LRRTM4: variants seen among roughly 807,000 people sequenced by gnomAD.
LRRTM4 encodes the protein leucine-rich repeat transmembrane neuronal protein 4.
In LRRTM4, 25 loss-of-function variants were observed where a neutral mutation model predicts 47.6. The observed-to-expected ratio is 0.53, with a 90% CI of 0.38 to 0.73. LRRTM4 has a LOEUF of 0.73. Among genes scored for constraint, LRRTM4 ranks in the 30% least tolerant of loss-of-function variants. The probability of loss-of-function intolerance (pLI) is 0.00; values close to 1 mark genes in which losing one functional copy is unlikely to be tolerated. For synonymous variants in LRRTM4, 311 were observed against 269.5 expected (o/e 1.15, Z -1.51); for missense variants, 638 against 713.4 (o/e 0.89, Z 1.20).
At chr2:77,024,638 A>G (rs183044490) in intron 3 of LRRTM4, among the ~76,000 whole-genome samples, 2 of 152,114 alleles carry the variant, frequency 1.3e-5, no homozygotes, top group African/African-American at 4.8e-5. Context: ...TTTTTATAGT[A>G]TTTTTTCCTT....
rs140916855 is a variant in LRRTM4 at position 76,869,192 on chromosome 2, C to G, written c.1552-120276G>C. ...GACATGGTGGCACGTGCCTTTAGTC[C>G]CAGCTACTTGGGAGGCTGAGACAGG... On this transcript the variant is annotated intron_variant, in intron 3 of 3. Transcript: ENST00000409884. Among the ~76,000 whole-genome samples the G allele has an allele frequency of 3.6e-3, 540 of 152,014 alleles. 2 individuals carry two copies. Among genetic ancestry groups the G allele is most frequent in the African/African-American group, 0.013 (520 of 41,452 alleles).
intron 3 of LRRTM4, among the ~76,000 whole-genome samples, chr2:76,766,409 T>A (rs1011936093): frequency 6.6e-6 from 1 of 152,202 alleles, no homozygotes; most frequent in Non-Finnish European, 1.5e-5. Context: ...CTTTCTATGT[T>A]ATCCCAAAGG....
chr2:76,964,989 A>C (rs1336163159), intron 3 of LRRTM4, among the ~76,000 whole-genome samples: 1 of 95,004 alleles, frequency 1.1e-5, no homozygotes, highest in Non-Finnish European at 1.8e-5. Flanking sequence ...CCAAAATTCA[A>C]AGAAAAATAG....
At chr2:76,908,727 T>C (rs1010379955) in intron 3 of LRRTM4, among the ~76,000 whole-genome samples, 2 of 152,012 alleles carry the variant, frequency 1.3e-5, no homozygotes. Flanking sequence ...AAATCATGAG[T>C]GAACTCCCAT....
chr2:77,190,633 G>A (rs1673642726), intron 3 of LRRTM4, among the ~76,000 whole-genome samples: 1 of 152,030 alleles, frequency 6.6e-6, no homozygotes. Flanking sequence ...AGGAATATTA[G>A]CACATTGAAC....
At chr2:77,190,489 G>A (rs966819680) in intron 3 of LRRTM4, among the ~76,000 whole-genome samples, 2 of 151,644 alleles carry the variant, frequency 1.3e-5, no homozygotes, top group Non-Finnish European at 2.9e-5. Context: ...TAGTAGAAAC[G>A]GGGTTTTGCC....
chr2:77,392,727 T>C (rs1034180096), intron 3 of LRRTM4, among the ~76,000 whole-genome samples: 2 of 151,970 alleles, frequency 1.3e-5, no homozygotes, highest in African/African-American at 2.4e-5. Flanking sequence ...GGGCTGCAGA[T>C]ATTGAGAAGA....
chr2:76,816,144 G>T (rs746920401), intron 3 of LRRTM4, among the ~76,000 whole-genome samples: 7 of 152,016 alleles, frequency 4.6e-5, no homozygotes, highest in Admixed American at 6.6e-5. Flanking sequence ...GACCTTGCTG[G>T]TATCAGACAG....
At chr2:77,195,107 T>A (rs1217151347) in intron 3 of LRRTM4, among the ~76,000 whole-genome samples, 1 of 151,952 alleles carries the variant, frequency 6.6e-6, no homozygotes, top group Admixed American at 6.6e-5. Context: ...TTCAACAATA[T>A]CCCTTTGGTT....
At chr2:76,936,182 C>T (rs1016499622) in intron 3 of LRRTM4, among the ~76,000 whole-genome samples, 9 of 152,080 alleles carry the variant, frequency 5.9e-5, no homozygotes, top group African/African-American at 2.2e-4. Flanking sequence ...AGACTTGGAA[C>T]CAACCCAAAT....
intron 3 of LRRTM4, among the ~76,000 whole-genome samples, chr2:77,476,283 T>A (rs184028440): frequency 1.3e-5 from 2 of 152,220 alleles, no homozygotes; most frequent in East Asian, 3.9e-4. Context: ...TGTAAACATC[T>A]ACCTTAATAC....
In LRRTM4 at chr2:76,936,046, C is replaced by G. The variant is rs568692576; in HGVS notation, c.1552-187130G>C. ...GACAGTGTGGTGATTCCTCAAGGAT[C>G]TAGAACTAGAAATACCATTTGACCC... On this transcript the variant is annotated intron_variant, in intron 3 of 3. Transcript: ENST00000409884. Among the ~76,000 whole-genome samples the G allele has an allele frequency of 3.3e-5, 5 of 152,240 alleles. 1 individual carries two copies. Among genetic ancestry groups the G allele is most frequent in the African/African-American group, 1.2e-4 (5 of 41,556 alleles).
chr2:77,276,707 A>G (rs868271937), intron 3 of LRRTM4, among the ~76,000 whole-genome samples: 2 of 120,952 alleles, frequency 1.7e-5, no homozygotes, highest in East Asian at 2.3e-4. Flanking sequence ...ATATATATAT[A>G]TATATATATA....
intron 3 of LRRTM4, among the ~76,000 whole-genome samples, chr2:77,489,992 G>A (rs1041917672): frequency 6.6e-6 from 1 of 152,170 alleles, no homozygotes; most frequent in Admixed American, 6.5e-5. Context: ...GCTAACGCCT[G>A]TAATCCCAGC....
intron 3 of LRRTM4, among the ~76,000 whole-genome samples, chr2:77,485,114 A>G (rs1355404174): frequency 6.6e-6 from 1 of 152,036 alleles, no homozygotes; most frequent in Non-Finnish European, 1.5e-5. Flanking sequence ...TATTTTGACA[A>G]TTTTCCATGT....
chr2:76,788,247 T>C (rs1330893526), intron 3 of LRRTM4, among the ~76,000 whole-genome samples: 3 of 152,158 alleles, frequency 2.0e-5, no homozygotes, highest in Non-Finnish European at 4.4e-5. Flanking sequence ...AGAACAGCAA[T>C]TGACTATGCC....
intron 3 of LRRTM4, among the ~76,000 whole-genome samples, chr2:76,899,415 AG>A (rs1275458484): frequency 6.6e-6 from 1 of 151,822 alleles, no homozygotes; most frequent in Non-Finnish European, 1.5e-5. Context: ...TAGGGCAAAA[AG>A]TGTTGGAGGT....
chr2:77,405,547 T>C (rs113650608), intron 3 of LRRTM4, among the ~76,000 whole-genome samples: 8 of 152,250 alleles, frequency 5.3e-5, no homozygotes, highest in African/African-American at 1.9e-4. Context: ...CTGCATTTTT[T>C]TGCCTCTCAC....
intron 3 of LRRTM4, among the ~76,000 whole-genome samples, chr2:77,365,502 CT>C (rs1359247040): frequency 1.1e-4 from 17 of 151,918 alleles, no homozygotes; most frequent in South Asian, 2.1e-4. Context: ...GTTTGGACAT[CT>C]CTCTAAAATA....
Sources: allele counts gnomAD v4.1 joint callset (sites outside exome capture counted in the v4.1 genomes callset), GRCh38; gene constraint gnomAD v4.1.1; transcripts MANE v1.5; gene names NCBI Gene and HGNC (gene_info 2026-07-23, HGNC 2026-07-21).